ADK: variants seen among roughly 807,000 people sequenced by gnomAD.
ADK encodes the protein adenosine kinase, also known as N6,N6-dimethyladenosine kinase.
ADK carries 24 observed loss-of-function variants against 44.7 expected under a neutral mutation model. That is an observed-to-expected ratio of 0.54 (90% CI 0.39 to 0.76). The LOEUF (loss-of-function observed/expected upper bound fraction) is 0.76. Among genes scored for constraint, ADK ranks in the 30% least tolerant of loss-of-function variants. The pLI is 0.00. For missense variants in ADK, 321 were observed against 425.1 expected (o/e 0.76, Z 2.15); for synonymous variants, 128 against 142.6 (o/e 0.90, Z 0.73).
chr10:74,581,651 A>C (rs1418848931), intron 7 of ADK, among the ~76,000 whole-genome samples: 3 of 152,130 alleles, frequency 2.0e-5, no homozygotes, highest in Non-Finnish European at 4.4e-5. Context: ...TAATAAAGAA[A>C]AAAAACTTAA....
chr10:74,212,274 A>T (rs912879116), intron 2 of ADK, among the ~76,000 whole-genome samples: 1 of 152,234 alleles, frequency 6.6e-6, no homozygotes, highest in African/African-American at 2.4e-5. Flanking sequence ...TCTAAGGATA[A>T]GTAAACATAG....
At chr10:74,633,608 G>A (rs920156246) in intron 9 of ADK, among the ~76,000 whole-genome samples, 2 of 152,240 alleles carry the variant, frequency 1.3e-5, no homozygotes, top group Admixed American at 1.3e-4. Flanking sequence ...AGTGTATACA[G>A]AATTCCAAAC....
At chr10:74,411,144 A>G (rs965904107) in intron 6 of ADK, among the ~76,000 whole-genome samples, 4 of 152,140 alleles carry the variant, frequency 2.6e-5, no homozygotes, top group Non-Finnish European at 2.9e-5. Flanking sequence ...GGGATTAACT[A>G]TGAATGTTTA....
intron 4 of ADK, among the ~76,000 whole-genome samples, chr10:74,377,927 A>G (rs1411239872): frequency 2.0e-5 from 3 of 152,186 alleles, no homozygotes; most frequent in Non-Finnish European, 4.4e-5. Context: ...TATCTCACAA[A>G]TATCTAATAA....
chr10:74,167,213 C>T (rs980525505), intron 1 of ADK, among the ~76,000 whole-genome samples: 8 of 152,050 alleles, frequency 5.3e-5, no homozygotes, highest in African/African-American at 1.9e-4. Flanking sequence ...CACTATGTTG[C>T]CCAGGCTGGT....
intron 4 of ADK, among the ~76,000 whole-genome samples, chr10:74,376,777 C>CTTTTTTT (rs35675013): frequency 1.5e-5 from 2 of 135,376 alleles, no homozygotes; most frequent in African/African-American, 2.8e-5. Context: ...TCTCTCTCGT[C>CTTTTTTT]TTTTTTTTTT....
At chr10:74,600,352 GA>G in intron 8 of ADK, 26 bp from the exon 9 acceptor site, 2 of 1,486,714 alleles carry the variant, frequency 1.3e-6, no homozygotes, top group East Asian at 2.3e-5. Flanking sequence ...TTGGTCATGA[GA>G]ATTTTTTCCT....
At chr10:74,231,711 C>T (rs1844772293) in intron 3 of ADK, among the ~76,000 whole-genome samples, 1 of 143,866 alleles carries the variant, frequency 7.0e-6, no homozygotes, top group Non-Finnish European at 1.5e-5. Flanking sequence ...AGTGATATGT[C>T]TGCCTTGGCC....
intron 2 of ADK, among the ~76,000 whole-genome samples, chr10:74,209,315 A>T (rs1843721742): frequency 6.6e-6 from 1 of 151,496 alleles, no homozygotes; most frequent in Admixed American, 6.5e-5. Flanking sequence ...AAGCAGAGAA[A>T]AGCCTCGCCA....
chr10:74,346,844 G>A (rs1841783021), intron 4 of ADK, among the ~76,000 whole-genome samples: 1 of 152,014 alleles, frequency 6.6e-6, no homozygotes, highest in African/African-American at 2.4e-5. Context: ...TAAGATGGCT[G>A]AGCCTGTAAT....
intron 4 of ADK, among the ~76,000 whole-genome samples, chr10:74,317,906 C>T (rs966242424): frequency 6.6e-6 from 1 of 152,046 alleles, no homozygotes; most frequent in Non-Finnish European, 1.5e-5. Flanking sequence ...CTCAGCCTCC[C>T]AAGTAGCTGG....
At chr10:74,342,697 A>C (rs991585545) in intron 4 of ADK, among the ~76,000 whole-genome samples, 1 of 150,706 alleles carries the variant, frequency 6.6e-6, no homozygotes, top group Non-Finnish European at 1.5e-5. Flanking sequence ...CTGGTCTCGA[A>C]CTCTTGGGCT....
intron 6 of ADK, among the ~76,000 whole-genome samples, chr10:74,481,130 T>G (rs1461002006): frequency 6.6e-6 from 1 of 152,204 alleles, no homozygotes; most frequent in African/African-American, 2.4e-5. Flanking sequence ...TTTATTGCAT[T>G]TCTTCCCTGA....
chr10:74,622,165 T>C (rs1346929207), intron 9 of ADK, among the ~76,000 whole-genome samples: 1 of 152,204 alleles, frequency 6.6e-6, no homozygotes, highest in Non-Finnish European at 1.5e-5. Flanking sequence ...CCCTCAGTTC[T>C]GTCTGTCTTG....
intron 7 of ADK, among the ~76,000 whole-genome samples, chr10:74,541,235 G>A (rs111950548): frequency 0.03 from 4,512 of 152,168 alleles, 191 homozygotes; most frequent in African/African-American, 0.091. Flanking sequence ...TGCTGGTCTC[G>A]AACTCCTGAC....
At chr10:74,151,658 C>G (rs1179799011) in intron 1 of ADK, among the ~76,000 whole-genome samples, 1 of 152,198 alleles carries the variant, frequency 6.6e-6, no homozygotes, top group Non-Finnish European at 1.5e-5. Flanking sequence ...CCCGGAGGGT[C>G]GGACCGGAGC....
chr10:74,591,006 C>G (rs1851697538), intron 8 of ADK, among the ~76,000 whole-genome samples: 1 of 151,988 alleles, frequency 6.6e-6, no homozygotes, highest in Non-Finnish European at 1.5e-5. Flanking sequence ...ATAAAATAAC[C>G]AATTTTGCAG....
intron 7 of ADK, among the ~76,000 whole-genome samples, chr10:74,568,347 T>A (rs2133842914): frequency 6.6e-6 from 1 of 152,304 alleles, no homozygotes; most frequent in East Asian, 1.9e-4. Context: ...TTATTGCAAG[T>A]ACAGTCAGCA....
intron 7 of ADK, 32 bp from the exon 8 acceptor site, chr10:74,589,240 GAGCACTTTAT>G (rs764141567): frequency 6.3e-6 from 10 of 1,584,722 alleles, no homozygotes; most frequent in Non-Finnish European, 8.7e-6. Flanking sequence ...CTTCATTACC[GAGCACTTTAT>G]AATTAACTGT....
Sources: allele counts gnomAD v4.1 joint callset (sites outside exome capture counted in the v4.1 genomes callset), GRCh38; gene constraint gnomAD v4.1.1; transcripts MANE v1.5; gene names NCBI Gene and HGNC (gene_info 2026-07-23, HGNC 2026-07-21).